The following SAMD7 variants were observed in gnomAD, a reference collection of about 807,000 sequenced individuals.
SAMD7 encodes the protein sterile alpha motif domain-containing protein 7.
A neutral mutation model predicts 36.7 loss-of-function variants in SAMD7; 34 were observed. The ratio of observed to expected loss-of-function variants is 0.93; its 90% CI spans 0.71 to 1.23. The LOEUF (loss-of-function observed/expected upper bound fraction) is 1.23. Among genes scored for constraint, SAMD7 ranks in the 50% most tolerant of loss-of-function variants. The pLI, the probability that SAMD7 is intolerant of heterozygous loss-of-function variation, is 0.00. For missense variants in SAMD7, 570 were observed against 546.6 expected (o/e 1.04, Z -0.43); for synonymous variants, 188 against 189.7 (o/e 0.99, Z 0.07).
In SAMD7 at chr3:169,912,069, T is replaced by G. The variant is rs187794641; in HGVS notation, c.-117+248T>G. Among the ~76,000 whole-genome samples the G allele has an allele frequency of 3.3e-5, 5 of 152,154 alleles. No homozygotes were observed. The East Asian group carries it at 9.6e-4, about 29-fold the overall frequency. The stretch of plus-strand genomic sequence containing the variant: ...CACTGCCTGGTCTTAGTTTTTGGAG[T>G]TTTTTAAGTGAAAGTAAAATGAAGT... On this transcript the variant is annotated intron_variant, in intron 1 of 8. Coordinates refer to ENST00000335556, the MANE Select transcript of SAMD7 (RefSeq NM_001304366.2).
intron 4 of SAMD7, among the ~76,000 whole-genome samples, chr3:169,922,510 T>A (rs1713086386): frequency 6.6e-6 from 1 of 152,190 alleles, no homozygotes; most frequent in Admixed American, 6.5e-5. Flanking sequence ...GTTGTTGTTG[T>A]TTGTTTGAGA....
intron 8 of SAMD7, among the ~76,000 whole-genome samples, chr3:169,938,079 A>G (rs929679481): frequency 2.0e-5 from 3 of 151,990 alleles, no homozygotes; most frequent in Non-Finnish European, 4.4e-5. Context: ...CAGTAATTCC[A>G]CTATTGCTCA....
intron 7 of SAMD7, among the ~76,000 whole-genome samples, chr3:169,934,310 A>T (rs748010268): frequency 6.2e-4 from 95 of 152,266 alleles, no homozygotes; most frequent in Admixed American, 5.9e-4. Context: ...CCAGGGTGGG[A>T]GCAGTGGGGG....
intron 2 of SAMD7, among the ~76,000 whole-genome samples, chr3:169,916,081 C>T (rs977429972): frequency 1.8e-4 from 27 of 152,048 alleles, no homozygotes; most frequent in Non-Finnish European, 3.4e-4. Context: ...GGCAAGAACA[C>T]TCAACATGAA....
chr3:169,928,733 T>C (rs554020636), intron 7 of SAMD7, among the ~76,000 whole-genome samples, 155 bp downstream of exon 7: 3 of 152,318 alleles, frequency 2.0e-5, no homozygotes, highest in Admixed American at 6.5e-5. Context: ...AGGTCTCTGA[T>C]TGGTGGAACT....
At chr3:169,929,448 C>T (rs1162858105) in intron 7 of SAMD7, among the ~76,000 whole-genome samples, 1 of 152,154 alleles carries the variant, frequency 6.6e-6, no homozygotes, top group Non-Finnish European at 1.5e-5. Context: ...TGTTTGTCTA[C>T]AGTGAGATAC....
At chr3:169,932,424 G>T in intron 7 of SAMD7, 1 of 619,556 alleles carries the variant, frequency 1.6e-6, no homozygotes, top group Non-Finnish European at 3.2e-6. Flanking sequence ...ACCATATGCC[G>T]GTTATGATAG....
At chr3:169,917,136 A>G (rs1244994885) in intron 2 of SAMD7, among the ~76,000 whole-genome samples, 1 of 152,244 alleles carries the variant, frequency 6.6e-6, no homozygotes, top group African/African-American at 2.4e-5. Flanking sequence ...AGGTGATGTT[A>G]GGTGATCCAT....
chr3:169,911,918 T>C (rs1244156794), intron 1 of SAMD7, 97 bp downstream of exon 1: 1 of 152,226 alleles, frequency 6.6e-6, no homozygotes, highest in Non-Finnish European at 1.5e-5. Context: ...ATCTTTATCT[T>C]AAAGGAAATG....
chr3:169,933,115 C>T, intron 7 of SAMD7: 1 of 843,080 alleles, frequency 1.2e-6, no homozygotes. Context: ...CTCTCTGATC[C>T]TCGTCTGGAC....
chr3:169,912,659 G>A (rs2108252331), intron 1 of SAMD7, among the ~76,000 whole-genome samples: 1 of 152,314 alleles, frequency 6.6e-6, no homozygotes, highest in East Asian at 1.9e-4. Flanking sequence ...TAGGTCTAAT[G>A]AAAATGAGCT....
intron 1 of SAMD7, among the ~76,000 whole-genome samples, chr3:169,913,740 C>T (rs1480905903): frequency 6.6e-6 from 1 of 152,128 alleles, no homozygotes; most frequent in African/African-American, 2.4e-5. Flanking sequence ...GCAAAGTGAC[C>T]TTAGTTTACA....
At chr3:169,921,929 T>C (rs1713063202) in intron 4 of SAMD7, among the ~76,000 whole-genome samples, 1 of 152,216 alleles carries the variant, frequency 6.6e-6, no homozygotes, top group South Asian at 2.1e-4. Context: ...GGCTAAATCC[T>C]GTAATTATTT....
chr3:169,919,612 T>C (rs1193476337), intron 3 of SAMD7, 28 bp downstream of exon 3: 1 of 1,489,540 alleles, frequency 6.7e-7, no homozygotes. Flanking sequence ...AATAGTTTGA[T>C]CAAAGAACAA....
chr3:169,932,067 AT>A lies in SAMD7; in HGVS notation c.1041+3491del, dbSNP rs1713516275. 9 of 551,388 alleles carry A rather than the reference AT, an allele frequency of 1.6e-5. No individual in the cohort carries two copies. In the South Asian group the frequency reaches 2.5e-4, roughly 15 times the overall value. 34.2% of individuals were successfully genotyped at this position (551,388 alleles called of 1,614,324 possible). A position where few individuals can be genotyped will look rare whatever the true frequency, so the allele number is the denominator to read the frequency against. ...CTTTATCTTCACCAAAGTTTTCCTG[AT>A]TGACAACTTAGATACATCAACTGCC... On this transcript the variant is annotated intron_variant, in intron 7 of 8. Coordinates refer to ENST00000335556, the MANE Select transcript of SAMD7 (RefSeq NM_001304366.2).
At chr3:169,933,403 A>G (rs1360668034) in intron 7 of SAMD7, among the ~76,000 whole-genome samples, 1 of 152,228 alleles carries the variant, frequency 6.6e-6, no homozygotes, top group Non-Finnish European at 1.5e-5. Flanking sequence ...AACTAAAGCA[A>G]AGACCACAAG....
intron 7 of SAMD7, chr3:169,932,234 T>G: frequency 1.2e-6 from 1 of 849,234 alleles, no homozygotes; most frequent in Non-Finnish European, 2.0e-6. Flanking sequence ...CCCCAGGAAG[T>G]GTACTGTGAA....
intron 2 of SAMD7, among the ~76,000 whole-genome samples, chr3:169,917,180 G>C (rs1425707813): frequency 6.6e-6 from 1 of 152,186 alleles, no homozygotes; most frequent in Non-Finnish European, 1.5e-5. Flanking sequence ...AGTGGGGTTA[G>C]TTCTGAAAAA....
At chr3:169,918,021 TC>T (rs1712886851) in intron 2 of SAMD7, among the ~76,000 whole-genome samples, 1 of 151,920 alleles carries the variant, frequency 6.6e-6, no homozygotes, top group African/African-American at 2.4e-5. Context: ...CAACGCAACC[TC>T]CACTTCCCAG....
Sources: allele counts gnomAD v4.1 joint callset (sites outside exome capture counted in the v4.1 genomes callset), GRCh38; gene constraint gnomAD v4.1.1; transcripts MANE v1.5; gene names NCBI Gene and HGNC (gene_info 2026-07-23, HGNC 2026-07-21).